SNX30: variants seen among roughly 807,000 people sequenced by gnomAD.
SNX30 encodes the protein sorting nexin family member 30.
SNX30 carries 24 observed loss-of-function variants against 46.4 expected under a neutral mutation model. That is an observed-to-expected ratio of 0.52 (90% CI 0.37 to 0.73). SNX30 has a LOEUF of 0.73. Ranked by LOEUF, SNX30 falls within the 30% of genes least tolerant of loss-of-function variation. The probability of loss-of-function intolerance (pLI) is 0.00; values close to 1 mark genes in which losing one functional copy is unlikely to be tolerated. For missense variants in SNX30, 533 were observed against 555.7 expected (o/e 0.96, Z 0.41); for synonymous variants, 189 against 211.5 (o/e 0.89, Z 0.92).
At chr9:112,834,158 G>T (rs868727655) in intron 4 of SNX30, among the ~76,000 whole-genome samples, 1 of 150,602 alleles carries the variant, frequency 6.6e-6, no homozygotes, top group Admixed American at 6.6e-5. Flanking sequence ...TGACCAAATT[G>T]CGGGGTGGGG....
At chr9:112,832,821 TAA>T (rs1840688221) in intron 4 of SNX30, among the ~76,000 whole-genome samples, 1 of 146,066 alleles carries the variant, frequency 6.8e-6, no homozygotes, top group Admixed American at 6.9e-5. Flanking sequence ...TATTATATAT[TAA>T]TATATAATAA....
chr9:112,879,782 C>G (rs1355212534), downstream of SNX30: 1 of 1,612,996 alleles, frequency 6.2e-7, no homozygotes, highest in South Asian at 1.1e-5. Context: ...ATGATGTCTC[C>G]ATATGGTGAC....
At chr9:112,782,666 T>C (rs12685108) in intron 1 of SNX30, among the ~76,000 whole-genome samples, 9,821 of 50,518 alleles carry the variant, frequency 0.19, 711 homozygotes, top group African/African-American at 0.42. Context: ...TCTTTGAAGT[T>C]CCATAGTTAT....
intron 2 of SNX30, among the ~76,000 whole-genome samples, chr9:112,807,008 T>G (rs1051555438): frequency 1.3e-5 from 2 of 151,056 alleles, no homozygotes; most frequent in Non-Finnish European, 3.0e-5. Flanking sequence ...CATTTAAGCC[T>G]GCTCCAGTTT....
chr9:112,856,672 T>C (rs1270891754), intron 7 of SNX30: 7 of 152,044 alleles, frequency 4.6e-5, no homozygotes, highest in Admixed American at 4.6e-4. Context: ...TGTTCTAGAA[T>C]GGGAAAGACG....
chr9:112,757,068 C>T (rs1164979206), intron 1 of SNX30, among the ~76,000 whole-genome samples: 2 of 152,194 alleles, frequency 1.3e-5, no homozygotes, highest in African/African-American at 2.4e-5. Context: ...CTCTAGTCCT[C>T]ATGTTCTACA....
At chr9:112,811,714 G>T (rs1222409594) in intron 2 of SNX30, among the ~76,000 whole-genome samples, 1 of 152,078 alleles carries the variant, frequency 6.6e-6, no homozygotes. Flanking sequence ...ATGTGCGCCC[G>T]TGACCTTGTG....
In SNX30 at chr9:112,865,624, CATATATATATATATATAT is replaced by C. The variant is rs796986603; in HGVS notation, c.1254+1246_1254+1263del. On this transcript the variant is annotated intron_variant, in intron 8 of 8. Coordinates refer to ENST00000374232, the MANE Select transcript of SNX30 (RefSeq NM_001012994.2). ...ACAGAGTTTTTTGATCCTGTCACGC[CATATATATATATATATAT>C]ATATATATATATATATATATGTATG... Among the ~76,000 whole-genome samples the C allele has an allele frequency of 1.8e-4, 14 of 79,020 alleles. 1 individual carries two copies. The highest frequency in any genetic ancestry group is 6.0e-4 in the South Asian group (1 of 1,672). The allele number at this position is 79,020 out of a possible 152,430, so 51.8% of individuals were successfully genotyped here. A position where few individuals can be genotyped will look rare whatever the true frequency, so the allele number is the denominator to read the frequency against.
rs201094769 is a variant in SNX30 at position 112,836,389 on chromosome 9, G to A, written c.794G>A (p.Arg265Gln). The A allele has an allele frequency of 5.0e-6, 8 of 1,595,766 alleles. No individual in the cohort carries two copies. The highest frequency in any genetic ancestry group is 4.0e-5 in the African/African-American group (3 of 74,768). Residue 265 changes from arginine to glutamine, a missense_variant, in exon 5 of 9, where the codon CGG (arginine) becomes CAG (glutamine). By Grantham distance (43) the Arg-to-Gln change is conservative (BLOSUM62 1). Transcript: ENST00000374232. Reference sequence around the variant, plus strand: ...GGAACCATTGATCGAATAGCCCAGCGGATCATCAAAGAAGAAATAGGTGAG... The same window carrying A: ...GGAACCATTGATCGAATAGCCCAGCAGATCATCAAAGAAGAAATAGGTGAG... Reference protein sequence around the residue: ...KLGTIDRIAQRIIKEEIEYLV... With the variant: ...KLGTIDRIAQQIIKEEIEYLV...
chr9:112,857,722 G>T (rs1437162438), intron 7 of SNX30, among the ~76,000 whole-genome samples: 2 of 152,104 alleles, frequency 1.3e-5, no homozygotes, highest in Non-Finnish European at 2.9e-5. Flanking sequence ...TCTAGGGCCT[G>T]GAAATGCGTG....
intron 3 of SNX30, among the ~76,000 whole-genome samples, chr9:112,820,320 C>T (rs1213322378): frequency 6.6e-6 from 1 of 152,032 alleles, no homozygotes; most frequent in Non-Finnish European, 1.5e-5. Flanking sequence ...GAAAGTCAAA[C>T]CAGCAACCAA....
intron 1 of SNX30, among the ~76,000 whole-genome samples, chr9:112,760,830 A>G (rs1373307715): frequency 6.6e-6 from 1 of 152,162 alleles, no homozygotes; most frequent in African/African-American, 2.4e-5. Flanking sequence ...TCCTATTGGC[A>G]GCCCCACTAG....
At position 112,804,906 on chromosome 9, in the gene SNX30, A is replaced by G; in HGVS notation, c.287A>G (p.Asp96Gly). The G allele has an allele frequency of 5.0e-6, 8 of 1,613,896 alleles. No homozygotes were observed. Among genetic ancestry groups the G allele is most frequent in the Non-Finnish European group, 6.8e-6 (8 of 1,179,868 alleles). Reference sequence around the variant, plus strand: ...ACTAGAGATCTCTTCGTTATAGTTGATGATCCCAAGAAGCATGTGTGTACA... The same window carrying G: ...ACTAGAGATCTCTTCGTTATAGTTGGTGATCCCAAGAAGCATGTGTGTACA... ...GETRDLFVIV[D>G]DPKKHVCTME... Residue 96 changes from aspartate (D) to glycine (G), a missense_variant, in exon 2 of 9, where the codon GAT becomes GGT. Around this residue, in one of 3 missense-constraint regions of SNX30, gnomAD observed 191 missense variants for 160.3 expected, o/e 1.19. Coordinates refer to ENST00000374232, the MANE Select transcript of SNX30 (RefSeq NM_001012994.2).
At chr9:112,755,112 C>G (rs1839327871) in intron 1 of SNX30, among the ~76,000 whole-genome samples, 1 of 152,182 alleles carries the variant, frequency 6.6e-6, no homozygotes, top group South Asian at 2.1e-4. Flanking sequence ...AGCTGAAAAC[C>G]CTGCCCTCAC....
intron 1 of SNX30, among the ~76,000 whole-genome samples, chr9:112,757,625 A>C (rs1469924921): frequency 6.6e-6 from 1 of 152,174 alleles, no homozygotes; most frequent in Non-Finnish European, 1.5e-5. Flanking sequence ...ACAGCGTTGT[A>C]CAAAAGTTCC....
chr9:112,751,433 G>A (rs1839274944), intron 1 of SNX30, among the ~76,000 whole-genome samples: 1 of 152,208 alleles, frequency 6.6e-6, no homozygotes. Context: ...GGAGCGGGAG[G>A]CGTGTGTTCA....
At chr9:112,817,987 T>A (rs1286871134) in intron 3 of SNX30, among the ~76,000 whole-genome samples, 172 bp downstream of exon 3, 1 of 152,192 alleles carries the variant, frequency 6.6e-6, no homozygotes, top group Non-Finnish European at 1.5e-5. Context: ...TAGTTTCTGA[T>A]TTGGTATATA....
Position 112,871,185 on chromosome 9 carries a change from G to C in SNX30, c.*2342G>C, listed in dbSNP as rs1002439117. On this transcript the variant is annotated 3_prime_UTR_variant, in exon 9 of 9. Coordinates refer to ENST00000374232, the MANE Select transcript of SNX30 (RefSeq NM_001012994.2). ...AGATATCAGAAAGACCTGGAACAAG[G>C]CAAACTTTATGTCCTCCTGGCATGT... 1.3e-5 allele frequency: 2 copies of C among 152,230 alleles called. No individual in the cohort carries two copies. The highest frequency in any genetic ancestry group is 4.8e-5 in the African/African-American group (2 of 41,434). 9.4% of individuals were successfully genotyped at this position (152,230 alleles called of 1,614,324 possible).
At chr9:112,785,485 G>A (rs1460468399) in intron 1 of SNX30, among the ~76,000 whole-genome samples, 1 of 151,580 alleles carries the variant, frequency 6.6e-6, no homozygotes, top group African/African-American at 2.4e-5. Context: ...CCTGGTTCAA[G>A]CGATTCTCAT....
Sources: allele counts gnomAD v4.1 joint callset (sites outside exome capture counted in the v4.1 genomes callset), GRCh38; gene constraint gnomAD v4.1.1; regional missense constraint gnomAD v4.1.1; transcripts MANE v1.5; gene names NCBI Gene and HGNC (gene_info 2026-07-23, HGNC 2026-07-21).